The following PSD3 variants were observed in gnomAD, a reference collection of about 807,000 sequenced individuals.
PSD3 encodes the protein pleckstrin and Sec7 domain containing 3, also known as PH and SEC7 domain-containing protein 3.
A neutral mutation model predicts 105.5 loss-of-function variants in PSD3; 49 were observed. The observed-to-expected ratio is 0.46, with a 90% confidence interval of 0.37 to 0.59. The LOEUF is 0.59. Ranked by LOEUF, PSD3 falls within the 20% of genes least tolerant of loss-of-function variation. The pLI is 0.00. For synonymous variants in PSD3, 557 were observed against 457.8 expected (o/e 1.22, Z -2.77); for missense variants, 1,561 against 1,263.8 (o/e 1.24, Z -3.57).
chr8:18,798,712 G>A (rs940700566), intron 8 of PSD3, among the ~76,000 whole-genome samples: 3 of 147,070 alleles, frequency 2.0e-5, no homozygotes, highest in African/African-American at 7.3e-5. Flanking sequence ...TTATTTTAAA[G>A]AGTATTATGA....
intron 1 of PSD3, among the ~76,000 whole-genome samples, chr8:18,998,818 G>C (rs897895762): frequency 1.4e-5 from 1 of 71,444 alleles, no homozygotes; most frequent in African/African-American, 3.7e-5. Context: ...AAAGTACAAA[G>C]CACTTTATAG....
At chr8:18,789,988 ACTGATTAAAGCTACC>A (rs577698139) in intron 8 of PSD3, among the ~76,000 whole-genome samples, 198 of 152,334 alleles carry the variant, frequency 1.3e-3, no homozygotes, top group African/African-American at 4.6e-3. Context: ...CACTGACACA[ACTGATTAAAGCTACC>A]CTGAGGTATT....
chr8:18,582,396 T>C (rs556673678), intron 12 of PSD3, among the ~76,000 whole-genome samples: 5 of 152,286 alleles, frequency 3.3e-5, no homozygotes, highest in South Asian at 2.1e-4. Context: ...ACCAGTTTTC[T>C]CTCTGGCTTA....
intron 1 of PSD3, among the ~76,000 whole-genome samples, chr8:19,044,491 T>C (rs1383928503): frequency 6.6e-6 from 1 of 152,232 alleles, no homozygotes. Flanking sequence ...CCCTACATGA[T>C]TGTTGAATAG....
At chr8:18,999,842 A>G (rs1298049555) in intron 1 of PSD3, among the ~76,000 whole-genome samples, 1 of 151,696 alleles carries the variant, frequency 6.6e-6, no homozygotes, top group African/African-American at 2.4e-5. Flanking sequence ...TGATTTTATA[A>G]ATGATAATAT....
At chr8:18,673,524 C>G (rs1324376345) in intron 9 of PSD3, among the ~76,000 whole-genome samples, 1 of 152,174 alleles carries the variant, frequency 6.6e-6, no homozygotes, top group African/African-American at 2.4e-5. Flanking sequence ...TTGGCATCGT[C>G]TCTGCCCCCA....
intron 4 of PSD3, among the ~76,000 whole-genome samples, chr8:18,831,901 A>C (rs1411159040): frequency 6.6e-6 from 1 of 152,162 alleles, no homozygotes; most frequent in African/African-American, 2.4e-5. Context: ...AATATAACAA[A>C]AAAAAAATAG....
chr8:18,759,846 A>G (rs569804978), intron 9 of PSD3, among the ~76,000 whole-genome samples: 1 of 152,094 alleles, frequency 6.6e-6, no homozygotes, highest in South Asian at 2.1e-4. Flanking sequence ...ACATTTTCAA[A>G]TGGACAATTC....
At chr8:18,991,222 A>G (rs530129899) in intron 1 of PSD3, among the ~76,000 whole-genome samples, 1 of 152,230 alleles carries the variant, frequency 6.6e-6, no homozygotes, top group South Asian at 2.1e-4. Context: ...ACTAAGTCAG[A>G]CTGAATTTCA....
At chr8:18,972,984 T>G (rs1282020672) in intron 1 of PSD3, among the ~76,000 whole-genome samples, 1 of 152,174 alleles carries the variant, frequency 6.6e-6, no homozygotes, top group African/African-American at 2.4e-5. Flanking sequence ...AAGCTGAAAT[T>G]AACAAGACAA....
chr8:18,789,374 A>G (rs1809487140), intron 8 of PSD3, among the ~76,000 whole-genome samples: 2 of 152,206 alleles, frequency 1.3e-5, no homozygotes, highest in Admixed American at 1.3e-4. Context: ...AAAGACTAGC[A>G]ACAATTTTAA....
At chr8:18,774,853 G>C in intron 8 of PSD3, 3 of 456,042 alleles carry the variant, frequency 6.6e-6, no homozygotes, top group South Asian at 1.6e-5. Flanking sequence ...CCTTCAGGTT[G>C]TCCAGCTGTC....
In PSD3 at chr8:18,618,007, G is replaced by A. The variant is rs140500519; in HGVS notation, c.2410+14606C>T. 7.6e-3 allele frequency among the ~76,000 whole-genome samples: 1,160 copies of A among 152,154 alleles called. 11 individuals carry two copies. The highest frequency in any genetic ancestry group is 0.021 in the Middle Eastern group (6 of 292). On this transcript the variant is annotated intron_variant, in intron 11 of 15. Coordinates refer to ENST00000327040, the MANE Select transcript of PSD3 (RefSeq NM_015310.4). ...TTCTGGAGAGTCTAGTATCTTTTAA[G>A]GTCCAGTAAGAGACATTTGACATCT...
At chr8:19,075,622 G>C (rs1829441531) in intron 1 of PSD3, among the ~76,000 whole-genome samples, 1 of 152,268 alleles carries the variant, frequency 6.6e-6, no homozygotes, top group African/African-American at 2.4e-5. Flanking sequence ...GCTCTCTTCT[G>C]ACTCAATGGA....
intron 1 of PSD3, among the ~76,000 whole-genome samples, chr8:18,957,941 G>A (rs930390135): frequency 6.6e-6 from 1 of 152,162 alleles, no homozygotes; most frequent in African/African-American, 2.4e-5. Flanking sequence ...AGAGTGTAAG[G>A]AGGTATAACC....
At chr8:18,607,964 A>G (rs1804976694) in intron 11 of PSD3, among the ~76,000 whole-genome samples, 1 of 152,216 alleles carries the variant, frequency 6.6e-6, no homozygotes, top group Non-Finnish European at 1.5e-5. Context: ...CTCACTCATT[A>G]TCATGAGAAC....
chr8:18,674,238 A>G (rs1799949445), intron 9 of PSD3, among the ~76,000 whole-genome samples: 1 of 152,170 alleles, frequency 6.6e-6, no homozygotes, highest in Non-Finnish European at 1.5e-5. Flanking sequence ...TAGAGGCTTT[A>G]AAGGGCTGTC....
Position 18,584,654 on chromosome 8 carries a change from T to C in PSD3, c.2482-9369A>G, listed in dbSNP as rs181948383. On this transcript the variant is annotated intron_variant, in intron 12 of 15. Transcript: ENST00000327040. ...CTGGCTCAGGCAATCTGCCAAGCCGTTTCCTACATTTGTGATGTATAATGC... is the reference window on the plus strand; with the variant it reads ...CTGGCTCAGGCAATCTGCCAAGCCGCTTCCTACATTTGTGATGTATAATGC... Among the ~76,000 whole-genome samples the C allele has an allele frequency of 1.3e-3, 195 of 152,336 alleles. 1 individual carries two copies. The highest frequency in any genetic ancestry group is 3.4e-3 in the Middle Eastern group (1 of 294).
intron 1 of PSD3, among the ~76,000 whole-genome samples, chr8:18,967,012 C>T (rs1824300767): frequency 6.6e-6 from 1 of 152,138 alleles, no homozygotes; most frequent in South Asian, 2.1e-4. Flanking sequence ...AGAGGAAAAA[C>T]AATTCCAATC....
Sources: gnomAD v4.1 joint callset for allele counts (sites outside exome capture counted in the v4.1 genomes callset) on GRCh38, gnomAD v4.1.1 for gene constraint, MANE v1.5 for transcripts, NCBI Gene and HGNC (gene_info 2026-07-23, HGNC 2026-07-21) for gene names.